Variants in CYTH1 observed in about 807,000 individuals in gnomAD.
The protein encoded by CYTH1 is cytohesin 1, also known as cytohesin-1.
CYTH1 carries 18 observed loss-of-function variants against 61.8 expected under a neutral mutation model. The observed-to-expected ratio is 0.29, with a 90% CI of 0.20 to 0.43. CYTH1 has a LOEUF of 0.43. CYTH1 is among the 20% of genes least tolerant of loss of function. The pLI is 1.00. For missense variants in CYTH1, 336 were observed against 510.5 expected (o/e 0.66, Z 3.29); for synonymous variants, 174 against 184.3 (o/e 0.94, Z 0.45).
intron 7 of CYTH1, 64 bp from the exon 8 acceptor site, chr17:78,699,032 CGCAAGA>C: frequency 1.9e-6 from 3 of 1,569,936 alleles, no homozygotes; most frequent in Non-Finnish European, 2.6e-6. Context: ...ACATCCCACC[CGCAAGA>C]GCAAGAGTGG....
intron 1 of CYTH1, among the ~76,000 whole-genome samples, chr17:78,759,710 C>G (rs1367979089): frequency 6.6e-6 from 1 of 152,176 alleles, no homozygotes; most frequent in Non-Finnish European, 1.5e-5. Flanking sequence ...TAGATAGTTA[C>G]AGCTGAGGAA....
chr17:78,739,970 C>T lies in CYTH1; in HGVS notation c.23-30238G>A, dbSNP rs183432740. ...TTTTTTTCTGAGACTGAGTCTCGCT[C>T]TGTTGCCCAGGCTGAAGCGCAGTGG... On this transcript the variant is annotated intron_variant, in intron 1 of 13. Transcript: ENST00000446868. Among the ~76,000 whole-genome samples, 195 of 152,184 alleles carry T rather than the reference C, an allele frequency of 1.3e-3. 2 individuals are homozygous for T. Among genetic ancestry groups the T allele is most frequent in the African/African-American group, 4.6e-3 (189 of 41,510 alleles).
In CYTH1 at chr17:78,696,001, A is replaced by G; in HGVS notation, c.814+6T>C. The G allele has an allele frequency of 1.5e-6, 2 of 1,367,932 alleles. No homozygotes were observed. The highest frequency in any genetic ancestry group is 2.0e-6 in the Non-Finnish European group (2 of 1,021,992). The allele number at this position is 1,367,932 out of a possible 1,614,324, so 84.7% of individuals were successfully genotyped here. On this transcript the variant is annotated splice_donor_region_variant and intron_variant, in intron 10 of 13. Transcript: ENST00000446868. ...AGAGCGAGCGAGCAGGCTGAGGGTTACATACCTCCTGGAGTTTGGGGCAAG... is the reference window on the plus strand; with the variant it reads ...AGAGCGAGCGAGCAGGCTGAGGGTTGCATACCTCCTGGAGTTTGGGGCAAG...
intron 3 of CYTH1, among the ~76,000 whole-genome samples, chr17:78,706,115 A>AT (rs1001715312): frequency 1.6e-4 from 25 of 151,560 alleles, no homozygotes; most frequent in East Asian, 3.9e-4. Flanking sequence ...GAAAAAAGCC[A>AT]TTTTTTTTTA....
intron 11 of CYTH1, among the ~76,000 whole-genome samples, chr17:78,684,077 C>T (rs940923872): frequency 7.9e-5 from 12 of 152,194 alleles, no homozygotes; most frequent in African/African-American, 2.4e-4. Context: ...CCATGCTCTT[C>T]AGCCTGGGAG....
At chr17:78,751,126 G>T (rs117781742) in intron 1 of CYTH1, among the ~76,000 whole-genome samples, 4,622 of 152,074 alleles carry the variant, frequency 0.03, 154 homozygotes, top group Admixed American at 0.093. Flanking sequence ...TGGAACCATG[G>T]GCGCATGGCG....
At position 78,772,519 on chromosome 17, in the gene CYTH1, A is replaced by G. The variant is rs16971684; in HGVS notation, c.22+9683T>C. Among the ~76,000 whole-genome samples the G allele has an allele frequency of 5.1e-4, 77 of 152,128 alleles. 1 individual carries two copies. The East Asian group carries it at 9.5e-3, about 19-fold the overall frequency. On this transcript the variant is annotated intron_variant, in intron 1 of 13. Coordinates refer to ENST00000446868, the MANE Select transcript of CYTH1 (RefSeq NM_004762.6). ...ATGAGCCATAAGATTCCAGAAACTG[A>G]AGTGTTTTGTTTTGTTTCGTTTTTG...
At chr17:78,736,432 ACTCT>A (rs1434248976) in intron 1 of CYTH1, among the ~76,000 whole-genome samples, 1 of 150,944 alleles carries the variant, frequency 6.6e-6, no homozygotes, top group African/African-American at 2.4e-5. Context: ...CCTCTCTCTC[ACTCT>A]CTGACACACA....
intron 1 of CYTH1, among the ~76,000 whole-genome samples, chr17:78,730,268 T>A (rs9893997): frequency 1.3e-5 from 2 of 151,220 alleles, no homozygotes; most frequent in Admixed American, 6.6e-5. Context: ...TCTCACGCCT[T>A]TAATCCCAGC....
chr17:78,733,604 C>T (rs2093305997), intron 1 of CYTH1, among the ~76,000 whole-genome samples: 1 of 152,246 alleles, frequency 6.6e-6, no homozygotes, highest in Non-Finnish European at 1.5e-5. Flanking sequence ...TGGGGACAGG[C>T]ATGTAAGCCC....
chr17:78,749,461 C>G (rs748077341), intron 1 of CYTH1, among the ~76,000 whole-genome samples: 7 of 151,602 alleles, frequency 4.6e-5, no homozygotes, highest in East Asian at 1.9e-4. Context: ...CTCCATCCCC[C>G]CTACAAAAAA....
Position 78,709,685 on chromosome 17 carries a change from G to C in CYTH1, c.70C>G (p.Arg24Gly), listed in dbSNP as rs772567954. 52 of 1,614,050 alleles carry C rather than the reference G, an allele frequency of 3.2e-5. No individual in the cohort carries two copies. The South Asian group carries it at 5.7e-4, about 18-fold the overall frequency. ...AEERQELENI[R>G]RRKQELLADI... Reference sequence around the variant, plus strand: ...GCCAGCAGCTCCTGTTTTCTCCGTCGGATGTTCTCCAGTTCTTGACGCTCC... The same window carrying C: ...GCCAGCAGCTCCTGTTTTCTCCGTCCGATGTTCTCCAGTTCTTGACGCTCC... Residue 24 changes from arginine to glycine, a missense_variant, in exon 2 of 14, where the codon CGA becomes GGA. Transcript: ENST00000446868.
chr17:78,772,203 G>C (rs956919551), intron 1 of CYTH1, among the ~76,000 whole-genome samples: 4 of 152,140 alleles, frequency 2.6e-5, no homozygotes, highest in African/African-American at 9.7e-5. Context: ...GAGCAGGAAA[G>C]GTGTGGAACA....
chr17:78,773,773 A>G (rs1250382410), intron 1 of CYTH1, among the ~76,000 whole-genome samples: 3 of 152,212 alleles, frequency 2.0e-5, no homozygotes, highest in Non-Finnish European at 4.4e-5. Flanking sequence ...AAAAATTAAA[A>G]GAAAGGTAAA....
intron 3 of CYTH1, 91 bp downstream of exon 3, chr17:78,708,106 T>A: frequency 7.6e-7 from 1 of 1,312,606 alleles, no homozygotes; most frequent in Non-Finnish European, 1.1e-6. Context: ...AGCTGACTTT[T>A]TCCTTCAATG....
At chr17:78,744,651 G>A (rs1355030173) in intron 1 of CYTH1, among the ~76,000 whole-genome samples, 1 of 152,136 alleles carries the variant, frequency 6.6e-6, no homozygotes, top group Non-Finnish European at 1.5e-5. Context: ...GGGGAAAAAA[G>A]AGTTGATGGC....
At chr17:78,781,663 G>A (rs773314026) in intron 1 of CYTH1, among the ~76,000 whole-genome samples, 1 of 152,108 alleles carries the variant, frequency 6.6e-6, no homozygotes, top group Non-Finnish European at 1.5e-5. Context: ...GACGTGGACC[G>A]GGCACAACTC....
chr17:78,704,134 T>A (rs2093041535), intron 3 of CYTH1, among the ~76,000 whole-genome samples: 1 of 152,232 alleles, frequency 6.6e-6, no homozygotes, highest in African/African-American at 2.4e-5. Context: ...TCCGCTCGTT[T>A]ATACATACAC....
At chr17:78,725,024 C>T (rs2093258132) in intron 1 of CYTH1, among the ~76,000 whole-genome samples, 1 of 151,950 alleles carries the variant, frequency 6.6e-6, no homozygotes, top group Non-Finnish European at 1.5e-5. Flanking sequence ...ATTGAGAGTC[C>T]CAGTGCAACA....
Sources: allele counts gnomAD v4.1 joint callset (sites outside exome capture counted in the v4.1 genomes callset), GRCh38; gene constraint gnomAD v4.1.1; transcripts MANE v1.5; gene names NCBI Gene and HGNC (gene_info 2026-07-23, HGNC 2026-07-21).